The following GCNT2 variants were observed in gnomAD, a reference collection of about 807,000 sequenced individuals.
GCNT2 encodes N-acetyllactosaminide beta-1,6-N-acetylglucosaminyl-transferase.
A neutral mutation model predicts 34.2 loss-of-function variants in GCNT2; 34 were observed. The observed-to-expected ratio is 1.00, with a 90% CI of 0.76 to 1.32. The LOEUF (loss-of-function observed/expected upper bound fraction) is 1.32, where lower values mean the gene tolerates loss of function less well. Among genes scored for constraint, GCNT2 ranks in the 40% most tolerant of loss-of-function variants. The pLI is 0.00. For missense variants in GCNT2, 584 were observed against 489.4 expected, an observed-to-expected ratio of 1.19 and a Z score of -1.82; for synonymous variants, 212 against 188.0, an observed-to-expected ratio of 1.13 and a Z score of -1.04.
intron 3 of GCNT2, among the ~76,000 whole-genome samples, chr6:10,596,147 T>C (rs1232310686): frequency 6.6e-6 from 1 of 152,208 alleles, no homozygotes; most frequent in Non-Finnish European, 1.5e-5. Flanking sequence ...GTTTTCTTTT[T>C]CTTTGTTTTT....
At chr6:10,556,537 C>T (rs770600026) in intron 3 of GCNT2, 29 of 1,613,796 alleles carry the variant, frequency 1.8e-5, no homozygotes, top group Non-Finnish European at 2.4e-5. Context: ...GGCTAAATAT[C>T]TCAGACCCTT....
At chr6:10,585,531 G>A (rs1276000119) in intron 3 of GCNT2, among the ~76,000 whole-genome samples, 9 of 152,206 alleles carry the variant, frequency 5.9e-5, no homozygotes, top group Non-Finnish European at 1.3e-4. Flanking sequence ...TCTGATTCTA[G>A]AAGGCTTGGA....
At chr6:10,618,747 A>G (rs1765900103) in intron 3 of GCNT2, among the ~76,000 whole-genome samples, 1 of 96,560 alleles carries the variant, frequency 1.0e-5, no homozygotes, top group African/African-American at 3.6e-5. Context: ...AAAACAAGGT[A>G]GCTTCCTTTA....
chr6:10,542,465 TC>T (rs34705092), intron 3 of GCNT2, among the ~76,000 whole-genome samples: 1 of 152,184 alleles, frequency 6.6e-6, no homozygotes, highest in African/African-American at 2.4e-5. Context: ...GCAACCATGA[TC>T]CCCGGCTAAT....
chr6:10,523,050 T>G (rs1760995153), intron 1 of GCNT2, among the ~76,000 whole-genome samples: 1 of 152,202 alleles, frequency 6.6e-6, no homozygotes, highest in Non-Finnish European at 1.5e-5. Context: ...AGGCCTCGAC[T>G]CCGCCTAGTA....
chr6:10,529,420 A>T lies in GCNT2; in HGVS notation c.509A>T (p.Asp170Val). 1 of 1,614,112 alleles carries T rather than the reference A, an allele frequency of 6.2e-7. No individual in the cohort carries two copies. Among genetic ancestry groups the T allele is most frequent in the South Asian group, 1.1e-5 (1 of 91,074 alleles). Residue 170 changes from aspartate (D) to valine (V), a missense_variant, in exon 3 of 5, where the codon GAC (aspartate) becomes GTC (valine). Coordinates refer to ENST00000495262, the MANE Select transcript of GCNT2 (RefSeq NM_145649.5). ...GGGGGGATCTCCAGGCTCCAGGCTG[A>T]CCTGAACTGCCTGGAAGACCTTGTG... is the stretch of plus-strand genomic sequence containing the variant. The part of the protein sequence containing the change: ...VYGGISRLQA[D>V]LNCLEDLVAS...
rs1491123758 is a variant in GCNT2 at position 10,569,274 on chromosome 6, C to CACACACACACACACACACACA, written c.925+39438_925+39439insACACACACACACACACACACA. Among the ~76,000 whole-genome samples the CACACACACACACACACACACA allele has an allele frequency of 1.4e-3, 190 of 137,060 alleles. 1 individual carries two copies. Among genetic ancestry groups the CACACACACACACACACACACA allele is most frequent in the South Asian group, 2.6e-3 (11 of 4,224 alleles). The allele number at this position is 137,060 out of a possible 152,430, so 89.9% of individuals were successfully genotyped here. The stretch of plus-strand genomic sequence containing the variant: ...ACACACACACACACACACACACACA[C>CACACACACACACACACACACA]CCCCTAGGTAATTTTGCCAAATCCT... On this transcript the variant is annotated intron_variant, in intron 3 of 4. Transcript: ENST00000495262.
At chr6:10,552,806 A>G (rs1211978181) in intron 3 of GCNT2, among the ~76,000 whole-genome samples, 2 of 152,138 alleles carry the variant, frequency 1.3e-5, no homozygotes, top group South Asian at 2.1e-4. Flanking sequence ...GGAAAAAACA[A>G]ATCTCTGTAT....
At chr6:10,555,675 C>T in intron 3 of GCNT2, 1 of 945,706 alleles carries the variant, frequency 1.1e-6, no homozygotes, top group Non-Finnish European at 1.3e-6. Context: ...CCCAAGGCGC[C>T]CCAGCAATTT....
chr6:10,614,380 A>ATTTTGG (rs965005695), intron 3 of GCNT2, among the ~76,000 whole-genome samples: 5 of 152,156 alleles, frequency 3.3e-5, no homozygotes, highest in African/African-American at 1.2e-4. Context: ...TAATCCCAGC[A>ATTTTGG]TTTTGGGAGG....
intron 3 of GCNT2, among the ~76,000 whole-genome samples, chr6:10,570,846 G>A (rs1011506100): frequency 6.6e-6 from 1 of 152,154 alleles, no homozygotes; most frequent in African/African-American, 2.4e-5. Context: ...TCTCTCCCAG[G>A]ATTTTGGTCT....
chr6:10,522,475 T>C (rs779512620), intron 1 of GCNT2, among the ~76,000 whole-genome samples: 1 of 152,238 alleles, frequency 6.6e-6, no homozygotes, highest in East Asian at 1.9e-4. Flanking sequence ...TGGTAGTAGA[T>C]TGGCCAAATA....
At chr6:10,560,012 C>A (rs934226548) in intron 3 of GCNT2, among the ~76,000 whole-genome samples, 4 of 152,216 alleles carry the variant, frequency 2.6e-5, no homozygotes, top group African/African-American at 9.6e-5. Flanking sequence ...TGGTTTTACA[C>A]TTGAGCATTC....
At chr6:10,608,950 T>TGGCCAGAGA (rs1765438463) in intron 3 of GCNT2, among the ~76,000 whole-genome samples, 1 of 152,098 alleles carries the variant, frequency 6.6e-6, no homozygotes, top group Non-Finnish European at 1.5e-5. Context: ...GGGGCCAGGG[T>TGGCCAGAGA]GGCCAGAGAG....
chr6:10,542,510 C>T (rs1469734834), intron 3 of GCNT2, among the ~76,000 whole-genome samples: 1 of 152,204 alleles, frequency 6.6e-6, no homozygotes, highest in Non-Finnish European at 1.5e-5. Flanking sequence ...AAAGAAACCT[C>T]ATGACCACTT....
intron 3 of GCNT2, among the ~76,000 whole-genome samples, chr6:10,589,364 T>TGTG (rs1474864164): frequency 5.0e-5 from 6 of 120,348 alleles, no homozygotes; most frequent in African/African-American, 1.7e-4. Flanking sequence ...GTGTTTCTAG[T>TGTG]GTGTGTTTGT....
intron 3 of GCNT2, among the ~76,000 whole-genome samples, chr6:10,552,751 A>G (rs1300666525): frequency 1.3e-5 from 2 of 152,174 alleles, no homozygotes; most frequent in Non-Finnish European, 2.9e-5. Context: ...AATGAATTGG[A>G]CTGCCAGCAT....
intron 4 of GCNT2, among the ~76,000 whole-genome samples, chr6:10,625,899 T>C (rs1286760427): frequency 6.6e-6 from 1 of 152,226 alleles, no homozygotes; most frequent in African/African-American, 2.4e-5. Flanking sequence ...AGAACAATTA[T>C]AACAATATGC....
chr6:10,558,044 C>T (rs906163528), intron 3 of GCNT2: 3 of 152,614 alleles, frequency 2.0e-5, no homozygotes, highest in South Asian at 2.1e-4. Context: ...TCCCCTTAGC[C>T]AGATCTCAGC....
Sources: gnomAD v4.1 joint callset for allele counts (sites outside exome capture counted in the v4.1 genomes callset) on GRCh38, gnomAD v4.1.1 for gene constraint, MANE v1.5 for transcripts, NCBI Gene and HGNC (gene_info 2026-07-23, HGNC 2026-07-21) for gene names.